DPP4: variants seen among roughly 807,000 people sequenced by gnomAD.
DPP4 encodes dipeptidyl peptidase 4, also known as ADCP-2.
A neutral mutation model predicts 122.4 loss-of-function variants in DPP4; 93 were observed. The observed-to-expected ratio is 0.76, with a 90% CI of 0.64 to 0.90. DPP4 has a LOEUF of 0.90. Among genes scored for constraint, DPP4 ranks in the 40% least tolerant of loss-of-function variants. The probability of loss-of-function intolerance (pLI) is 0.00; values close to 1 mark genes in which losing one functional copy is unlikely to be tolerated. For synonymous variants in DPP4, 321 were observed against 302.9 expected (o/e 1.06, Z -0.62); for missense variants, 914 against 907.3 (o/e 1.01, Z -0.09).
intron 2 of DPP4, among the ~76,000 whole-genome samples, chr2:162,057,168 G>A (rs977436198): frequency 6.6e-6 from 1 of 152,194 alleles, no homozygotes; most frequent in Non-Finnish European, 1.5e-5. Flanking sequence ...TCACTTGGCT[G>A]TTCCTGTGAC....
Position 162,019,223 on chromosome 2 carries a change from T to C in DPP4, c.1298A>G (p.Lys433Arg). The change falls in exon 15 of 26, where the codon AAA becomes AGA. Residue 433 changes from lysine (K) to arginine (R), a missense_variant and splice_region_variant. Coordinates refer to ENST00000360534, the MANE Select transcript of DPP4 (RefSeq NM_001935.4). ...GTCAACAACTTGACAGAGCTCTTAC[T>C]TATAAAGATTCCTTCCTCCTGGCAT... ...KGMPGGRNLY[K>R]IQLSDYTKVT... The C allele has an allele frequency of 6.3e-7, 1 of 1,597,034 alleles. No individual in the cohort carries two copies. The highest frequency in any genetic ancestry group is 8.6e-7 in the Non-Finnish European group (1 of 1,167,964).
intron 10 of DPP4, 130 bp downstream of exon 10, chr2:162,033,411 A>T: frequency 1.6e-6 from 1 of 606,932 alleles, no homozygotes; most frequent in South Asian, 2.2e-5. Context: ...GCTGAAGGAA[A>T]GAATGAATGA....
chr2:162,059,957 ATTC>A (rs1576071870), intron 2 of DPP4, among the ~76,000 whole-genome samples: 1 of 152,356 alleles, frequency 6.6e-6, no homozygotes, highest in Non-Finnish European at 1.5e-5. Flanking sequence ...CAACCCACTT[ATTC>A]TTCTTATGCT....
chr2:162,043,714 T>C (rs983992317), intron 5 of DPP4, among the ~76,000 whole-genome samples: 2 of 152,168 alleles, frequency 1.3e-5, no homozygotes, highest in African/African-American at 4.8e-5. Context: ...GCCATTACAA[T>C]CACCTATGAC....
At chr2:162,073,552 C>A (rs1244934273) in intron 1 of DPP4, 66 bp from the exon 2 acceptor site, 2 of 1,506,704 alleles carry the variant, frequency 1.3e-6, no homozygotes, top group Middle Eastern at 2.2e-4. Flanking sequence ...GTAGGAGGGT[C>A]GGGGCTGCTC....
At chr2:161,993,459 A>C (rs549692043) in intron 25 of DPP4, 75 bp from the exon 26 acceptor site, 258 of 1,041,158 alleles carry the variant, frequency 2.5e-4, no homozygotes, top group Non-Finnish European at 3.3e-4. Context: ...GTAAATTCAA[A>C]TGAGCTCTCA....
At chr2:162,019,129 A>G in intron 15 of DPP4, 94 bp downstream of exon 15, 1 of 1,142,666 alleles carries the variant, frequency 8.8e-7, no homozygotes, top group South Asian at 1.3e-5. Flanking sequence ...TACCAGTTTA[A>G]TATTAGTTAG....
At chr2:162,036,507 C>A (rs1194594865) in intron 8 of DPP4, among the ~76,000 whole-genome samples, 1 of 152,130 alleles carries the variant, frequency 6.6e-6, no homozygotes, top group East Asian at 1.9e-4. Context: ...AGAAATTTGT[C>A]TAGGATCACA....
At chr2:162,071,372 A>G (rs1474168961) in intron 2 of DPP4, among the ~76,000 whole-genome samples, 6 of 152,190 alleles carry the variant, frequency 3.9e-5, no homozygotes, top group Non-Finnish European at 8.8e-5. Context: ...CGCCGGGTGC[A>G]GTGGCTTACA....
intron 8 of DPP4, among the ~76,000 whole-genome samples, chr2:162,037,183 C>A (rs1683808646): frequency 6.6e-6 from 1 of 152,106 alleles, no homozygotes; most frequent in Non-Finnish European, 1.5e-5. Context: ...CGTGAACATG[C>A]AAAAGACTCC....
chr2:162,035,472 T>C, intron 8 of DPP4, 148 bp from the exon 9 acceptor site: 1 of 648,732 alleles, frequency 1.5e-6, no homozygotes, highest in Non-Finnish European at 2.6e-6. Flanking sequence ...AAAATCAGAG[T>C]AATACAAATG....
intron 11 of DPP4, among the ~76,000 whole-genome samples, chr2:162,023,985 T>A (rs1559712781): frequency 1.3e-5 from 2 of 152,206 alleles, no homozygotes; most frequent in African/African-American, 4.8e-5. Context: ...TAACAGGAAT[T>A]CCATGTTTGT....
chr2:162,026,157 T>G (rs1296183432), intron 10 of DPP4, among the ~76,000 whole-genome samples: 1 of 152,172 alleles, frequency 6.6e-6, no homozygotes, highest in Non-Finnish European at 1.5e-5. Flanking sequence ...CGCAGACACC[T>G]AATCACACAA....
intron 8 of DPP4, among the ~76,000 whole-genome samples, chr2:162,037,803 A>G (rs1025359846): frequency 6.6e-6 from 1 of 151,936 alleles, no homozygotes; most frequent in Non-Finnish European, 1.5e-5. Flanking sequence ...TTGCTTTTTT[A>G]TTCTTAAAAA....
intron 23 of DPP4, among the ~76,000 whole-genome samples, chr2:161,996,688 G>C (rs966397848): frequency 1.3e-5 from 2 of 151,818 alleles, no homozygotes; most frequent in Non-Finnish European, 2.9e-5. Flanking sequence ...TTGAGAGAGA[G>C]AGACTACACT....
At chr2:162,018,441 A>G (rs1245154853) in intron 16 of DPP4, among the ~76,000 whole-genome samples, 1 of 152,206 alleles carries the variant, frequency 6.6e-6, no homozygotes, top group Non-Finnish European at 1.5e-5. Flanking sequence ...GCATAAAATA[A>G]TCATTTAAAA....
intron 23 of DPP4, among the ~76,000 whole-genome samples, chr2:161,996,676 T>A (rs912802224): frequency 6.6e-6 from 1 of 152,164 alleles, no homozygotes; most frequent in Non-Finnish European, 1.5e-5. Context: ...CAATAAGATA[T>A]TTTGAGAGAG....
At chr2:162,001,124 C>G (rs1701136194) in intron 23 of DPP4, among the ~76,000 whole-genome samples, 1 of 152,190 alleles carries the variant, frequency 6.6e-6, no homozygotes, top group East Asian at 1.9e-4. Context: ...TCTCCCTTTT[C>G]TAACCCTCAA....
intron 2 of DPP4, among the ~76,000 whole-genome samples, chr2:162,052,346 G>T (rs915901220): frequency 6.7e-6 from 1 of 148,820 alleles, no homozygotes; most frequent in East Asian, 2.0e-4. Flanking sequence ...AAAAAAAGTG[G>T]AGGACAGGGG....
Sources: allele counts gnomAD v4.1 joint callset (sites outside exome capture counted in the v4.1 genomes callset), GRCh38; gene constraint gnomAD v4.1.1; transcripts MANE v1.5; gene names NCBI Gene and HGNC (gene_info 2026-07-23, HGNC 2026-07-21).